The following SLC41A3 variants were observed in gnomAD, a reference collection of about 807,000 sequenced individuals.
The protein encoded by SLC41A3 is SLC41A1-like 2.
In SLC41A3, 44 loss-of-function variants were observed where a neutral mutation model predicts 45.4. The observed-to-expected ratio is 0.97, with a 90% CI of 0.76 to 1.25. SLC41A3 has a LOEUF of 1.25. Ranked by LOEUF, SLC41A3 falls within the 50% of genes most tolerant of loss-of-function variation. The pLI is 0.00. For synonymous variants in SLC41A3, 256 were observed against 252.4 expected, an observed-to-expected ratio of 1.01 and a Z score of -0.13; for missense variants, 550 against 600.6, an observed-to-expected ratio of 0.92 and a Z score of 0.88.
At chr3:126,090,028 CTT>C (rs59737864) in intron 1 of SLC41A3, among the ~76,000 whole-genome samples, 8,182 of 99,336 alleles carry the variant, frequency 0.082, 278 homozygotes, top group African/African-American at 0.19. Context: ...TCAAGAAAAT[CTT>C]TTTTTTTTTT....
chr3:126,030,655 G>A (rs1941731543), intron 4 of SLC41A3, among the ~76,000 whole-genome samples: 2 of 152,176 alleles, frequency 1.3e-5, no homozygotes, highest in South Asian at 4.1e-4. Context: ...AGGTAGGTGG[G>A]TGAATGGGTG....
intron 1 of SLC41A3, among the ~76,000 whole-genome samples, chr3:126,099,330 T>G (rs1242488746): frequency 6.6e-6 from 1 of 152,204 alleles, no homozygotes; most frequent in Non-Finnish European, 1.5e-5. Context: ...TATTCTTTAT[T>G]TCTCATTTAA....
At chr3:126,041,219 T>A (rs1942569652) in intron 3 of SLC41A3, among the ~76,000 whole-genome samples, 1 of 144,138 alleles carries the variant, frequency 6.9e-6, no homozygotes, top group African/African-American at 2.6e-5. Context: ...GTTAAGAAAC[T>A]CAAAAGGTAG....
Position 126,007,140 on chromosome 3 carries a change from T to C in SLC41A3, c.1340A>G (p.Tyr447Cys), listed in dbSNP as rs1352253874. Residue 447 changes from tyrosine to cysteine, a missense_variant, in exon 11 of 11, where the codon TAC becomes TGC. Coordinates refer to ENST00000360370, the MANE Select transcript of SLC41A3 (RefSeq NM_017836.4). Reference protein sequence around the residue: ...ALDPDNHCIPYLTGLGDLLGT... With the variant: ...ALDPDNHCIPCLTGLGDLLGT... ...GAGCAGGTCCCCCAGCCCTGTAAGG[T>C]AGGGGATGCAGTGGTTGTCAGGATC... 3.1e-6 allele frequency: 5 copies of C among 1,614,002 alleles called. No homozygotes were observed. The highest frequency in any genetic ancestry group is 2.2e-5 in the East Asian group (1 of 44,862).
intron 1 of SLC41A3, among the ~76,000 whole-genome samples, chr3:126,100,948 C>T (rs956248398): frequency 3.3e-5 from 5 of 152,180 alleles, no homozygotes; most frequent in African/African-American, 4.8e-5. Flanking sequence ...GTTAACATGG[C>T]GAGACATAAA....
chr3:126,066,976 G>A (rs184099206), intron 2 of SLC41A3, among the ~76,000 whole-genome samples: 148 of 152,254 alleles, frequency 9.7e-4, no homozygotes, highest in African/African-American at 1.3e-3. Flanking sequence ...CGTATGGGGC[G>A]ATGCTGCAGA....
At chr3:126,022,662 G>A (rs1940988656) in intron 6 of SLC41A3, 124 bp downstream of exon 6, 1 of 1,214,856 alleles carries the variant, frequency 8.2e-7, no homozygotes, top group Admixed American at 2.1e-5. Context: ...TGAAATGTGG[G>A]GGACACATTC....
At chr3:126,050,715 A>T (rs78732280) in intron 3 of SLC41A3, among the ~76,000 whole-genome samples, 1 of 72,746 alleles carries the variant, frequency 1.4e-5, no homozygotes, top group Non-Finnish European at 3.4e-5. Flanking sequence ...AAGGAGGAAC[A>T]GGGGCAAACA....
At chr3:126,053,937 T>C (rs945236551) in intron 2 of SLC41A3, among the ~76,000 whole-genome samples, 2 of 152,274 alleles carry the variant, frequency 1.3e-5, no homozygotes, top group Admixed American at 6.5e-5. Context: ...CACCGCCCTC[T>C]CCAGCAACAC....
chr3:126,092,988 G>A (rs1945519413), intron 1 of SLC41A3, among the ~76,000 whole-genome samples: 1 of 152,158 alleles, frequency 6.6e-6, no homozygotes, highest in Non-Finnish European at 1.5e-5. Context: ...GCAGGATACT[G>A]GGTGAAAAGT....
chr3:126,023,289 C>T (rs562366389), intron 5 of SLC41A3: 83 of 198,854 alleles, frequency 4.2e-4, no homozygotes, highest in Non-Finnish European at 8.2e-5. Context: ...TCCAAAGATG[C>T]TCGGAGCAAT....
At chr3:126,078,390 A>C (rs1944981357) in intron 1 of SLC41A3, among the ~76,000 whole-genome samples, 2 of 152,132 alleles carry the variant, frequency 1.3e-5, no homozygotes, top group African/African-American at 4.8e-5. Context: ...AGAAGAAAGG[A>C]GAGGAGGAGG....
intron 3 of SLC41A3, among the ~76,000 whole-genome samples, chr3:126,045,044 CA>C (rs140555918): frequency 0.055 from 8,212 of 148,632 alleles, 704 homozygotes; most frequent in African/African-American, 0.18. Flanking sequence ...CCAGTGGGTC[CA>C]AAAAAAAATT....
intron 8 of SLC41A3, among the ~76,000 whole-genome samples, chr3:126,014,099 A>C (rs970886534): frequency 6.6e-6 from 1 of 152,244 alleles, no homozygotes. Context: ...CCCCTATCCT[A>C]CTTGCTCAGT....
At chr3:126,098,149 A>G (rs1945640098) in intron 1 of SLC41A3, among the ~76,000 whole-genome samples, 1 of 152,244 alleles carries the variant, frequency 6.6e-6, no homozygotes, top group Non-Finnish European at 1.5e-5. Flanking sequence ...CTGCAAATTC[A>G]TATGTTGAAT....
intron 8 of SLC41A3, 85 bp downstream of exon 8, chr3:126,015,409 C>A: frequency 2.2e-6 from 3 of 1,386,238 alleles, no homozygotes; most frequent in Non-Finnish European, 1.0e-6. Flanking sequence ...TGGTGCTGCC[C>A]CTCTGAGGTC....
chr3:126,056,400 G>A, intron 2 of SLC41A3: 1 of 1,614,194 alleles, frequency 6.2e-7, no homozygotes, highest in Non-Finnish European at 8.5e-7. Context: ...TCATGCACAA[G>A]CCGGACAGCA....
chr3:126,048,062 CA>C (rs2073069222), intron 3 of SLC41A3, among the ~76,000 whole-genome samples: 1 of 151,992 alleles, frequency 6.6e-6, no homozygotes, highest in Admixed American at 6.6e-5. Context: ...AAAAAATGGG[CA>C]AAGGACTTGA....
chr3:126,086,193 C>G (rs1403136726), upstream of SLC41A3, among the ~76,000 whole-genome samples: 1 of 152,138 alleles, frequency 6.6e-6, no homozygotes, highest in Non-Finnish European at 1.5e-5. Flanking sequence ...TATGGTGCGT[C>G]TACTTGCCAG....
Sources: allele counts gnomAD v4.1 joint callset (sites outside exome capture counted in the v4.1 genomes callset), GRCh38; gene constraint gnomAD v4.1.1; transcripts MANE v1.5; gene names NCBI Gene and HGNC (gene_info 2026-07-23, HGNC 2026-07-21).